The following RNF122 variants were observed in gnomAD, a reference collection of about 807,000 sequenced individuals.
RNF122 encodes the protein ring finger protein 122.
A neutral mutation model predicts 24.2 loss-of-function variants in RNF122; 17 were observed. The ratio of observed to expected loss-of-function variants is 0.70; its 90% CI spans 0.48 to 1.06. The LOEUF (loss-of-function observed/expected upper bound fraction) is 1.06. Among genes scored for constraint, RNF122 ranks in the 50% least tolerant of loss-of-function variants. RNF122 has a pLI of 0.00. For synonymous variants in RNF122, 65 were observed against 71.8 expected, an observed-to-expected ratio of 0.91 and a Z score of 0.48; for missense variants, 168 against 198.1, an observed-to-expected ratio of 0.85 and a Z score of 0.91.
Position 33,548,737 on chromosome 8 carries a change from G to A in RNF122, c.*16C>T, listed in dbSNP as rs1281407641. On this transcript the variant is annotated 3_prime_UTR_variant, in exon 6 of 6. Coordinates refer to ENST00000256257, the MANE Select transcript of RNF122 (RefSeq NM_024787.3). Reference sequence around the variant, plus strand: ...AGGCAAGAGGTCTTCTCCAGGTCTCGGTGTAGCGGCAGCACTCACACCAGC... The same window carrying A: ...AGGCAAGAGGTCTTCTCCAGGTCTCAGTGTAGCGGCAGCACTCACACCAGC... 6.5e-6 allele frequency: 10 copies of A among 1,534,198 alleles called. No homozygotes were observed. The highest frequency in any genetic ancestry group is 1.7e-4 in the Middle Eastern group (1 of 5,900).
rs1386383293 is a variant in RNF122, at chr8:33,566,996, T to TGTGGGGCGCC, written c.-283_-274dup. 1 of 475,758 alleles carries TGTGGGGCGCC rather than the reference T, an allele frequency of 2.1e-6. No homozygotes were observed. The highest frequency in any genetic ancestry group is 2.1e-5 in the African/African-American group (1 of 47,546). 29.5% of individuals were successfully genotyped at this position (475,758 alleles called of 1,614,324 possible). The stretch of plus-strand genomic sequence containing the variant: ...CGCCAAGGGCCCCGGGCTGGGGGAA[T>TGTGGGGCGCC]GTGGGGCGCCGCGGGGCGGGGGTGC... On this transcript the variant is annotated 5_prime_UTR_variant, in exon 1 of 6. Transcript: ENST00000256257.
chr8:33,548,650 G>T lies in RNF122; in HGVS notation c.*103C>A. The T allele has an allele frequency of 1.3e-6, 1 of 756,394 alleles. No individual in the cohort carries two copies. The highest frequency in any genetic ancestry group is 1.5e-5 in the South Asian group (1 of 65,350). 46.9% of individuals were successfully genotyped at this position (756,394 alleles called of 1,614,324 possible). ...GACCACCCTTCTCATCACTGGGAAA[G>T]TGATCGTCATCACCCTACAGTCCTG... On this transcript the variant is annotated 3_prime_UTR_variant, in exon 6 of 6. Coordinates refer to ENST00000256257, the MANE Select transcript of RNF122 (RefSeq NM_024787.3).
intron 1 of RNF122, among the ~76,000 whole-genome samples, chr8:33,560,323 C>T (rs570597009): frequency 1.1e-4 from 17 of 152,090 alleles, no homozygotes; most frequent in Non-Finnish European, 1.6e-4. Flanking sequence ...CAGGTGGGTA[C>T]GTAACCAGGT....
chr8:33,549,534 C>A, intron 4 of RNF122, 42 bp from the exon 5 acceptor site: 1 of 1,441,288 alleles, frequency 6.9e-7, no homozygotes, highest in South Asian at 1.1e-5. Context: ...ACTGGGGAAC[C>A]ATCTCACTCA....
At chr8:33,549,530 G>A in intron 4 of RNF122, 38 bp from the exon 5 acceptor site, 2 of 1,489,852 alleles carry the variant, frequency 1.3e-6, no homozygotes, top group East Asian at 2.3e-5. Context: ...AGGAACTGGG[G>A]AACCATCTCA....
chr8:33,559,958 C>T (rs886482358), intron 1 of RNF122, among the ~76,000 whole-genome samples: 1 of 151,754 alleles, frequency 6.6e-6, no homozygotes. Flanking sequence ...TCTCCTGCCT[C>T]AGCCTCCCGA....
intron 1 of RNF122, among the ~76,000 whole-genome samples, chr8:33,560,358 T>A (rs998419512): frequency 6.6e-6 from 1 of 152,080 alleles, no homozygotes; most frequent in Non-Finnish European, 1.5e-5. Flanking sequence ...CAAAGAGATC[T>A]GCTGGAAAAG....
intron 1 of RNF122, among the ~76,000 whole-genome samples, chr8:33,566,437 A>G (rs1397148142): frequency 6.6e-6 from 1 of 152,186 alleles, no homozygotes; most frequent in Non-Finnish European, 1.5e-5. Flanking sequence ...CGCCACACAA[A>G]GGCCGGGAAC....
intron 1 of RNF122, among the ~76,000 whole-genome samples, chr8:33,564,835 G>A (rs1810597404): frequency 6.6e-6 from 1 of 151,992 alleles, no homozygotes; most frequent in Non-Finnish European, 1.5e-5. Context: ...TCACACCATT[G>A]CACTCCAGCC....
chr8:33,553,466 G>T (rs566349901), intron 2 of RNF122, among the ~76,000 whole-genome samples: 1 of 152,068 alleles, frequency 6.6e-6, no homozygotes, highest in Non-Finnish European at 1.5e-5. Context: ...TACTTGGGGG[G>T]TCTGAGGCAG....
At chr8:33,565,137 C>T (rs1362609213) in intron 1 of RNF122, among the ~76,000 whole-genome samples, 2 of 152,160 alleles carry the variant, frequency 1.3e-5, no homozygotes, top group Admixed American at 6.5e-5. Context: ...TCCCAGCCAA[C>T]GGGAATCTTT....
chr8:33,553,450 C>A (rs774581974), intron 2 of RNF122, among the ~76,000 whole-genome samples: 24 of 152,034 alleles, frequency 1.6e-4, no homozygotes, highest in Non-Finnish European at 2.6e-4. Flanking sequence ...TGTCTGTAGT[C>A]CTGGCTACTT....
chr8:33,550,184 C>T (rs550557466), intron 4 of RNF122, among the ~76,000 whole-genome samples: 2 of 152,320 alleles, frequency 1.3e-5, no homozygotes, highest in East Asian at 1.9e-4. Context: ...CCACCCACCT[C>T]GGCCTCCCAA....
intron 1 of RNF122, among the ~76,000 whole-genome samples, chr8:33,565,539 T>C (rs1172696958): frequency 1.3e-5 from 2 of 152,100 alleles, no homozygotes. Flanking sequence ...GCGATTAGTA[T>C]CCAAGGTTTT....
At chr8:33,559,805 G>A (rs974633595) in intron 1 of RNF122, among the ~76,000 whole-genome samples, 1 of 150,784 alleles carries the variant, frequency 6.6e-6, no homozygotes, top group Admixed American at 6.6e-5. Context: ...ATACTCTCGG[G>A]TCCATCCCTG....
At chr8:33,563,221 A>G (rs1479689707) in intron 1 of RNF122, among the ~76,000 whole-genome samples, 1 of 152,168 alleles carries the variant, frequency 6.6e-6, no homozygotes, top group Non-Finnish European at 1.5e-5. Flanking sequence ...CTTGTTCTCA[A>G]TAACTAGTTA....
In RNF122 at chr8:33,558,671, G is replaced by A. The variant is rs3735950; in HGVS notation, c.126C>T (p.Phe42=). The part of the protein sequence containing the change: ...DLPLNIYMVI[F]GTGIFVFMLS... Reference sequence around the variant, plus strand: ...GCATGAAGACAAAGATGCCTGTGCCGAAGATGACCATATAGATGTTGAGCG... The same window carrying A: ...GCATGAAGACAAAGATGCCTGTGCCAAAGATGACCATATAGATGTTGAGCG... Residue 42 remains phenylalanine, a synonymous_variant, in exon 2 of 6, where the codon TTC becomes TTT. Transcript: ENST00000256257. The A allele has an allele frequency of 0.55, 876,180 of 1,606,126 alleles. 242,642 individuals carry two copies. The highest frequency in any genetic ancestry group is 0.61 in the African/African-American group (45,573 of 74,722).
In RNF122 at chr8:33,548,707, C is replaced by A. The variant is rs1810324953; in HGVS notation, c.*46G>T. Reference sequence around the variant, plus strand: ...GGAGCTGTGCAGAGGGACCAGACATCCATGAGGCAAGAGGTCTTCTCCAGG... The same window carrying A: ...GGAGCTGTGCAGAGGGACCAGACATACATGAGGCAAGAGGTCTTCTCCAGG... On this transcript the variant is annotated 3_prime_UTR_variant, in exon 6 of 6. Transcript: ENST00000256257. 8.3e-7 allele frequency: 1 copy of A among 1,201,454 alleles called. No individual in the cohort carries two copies. Among genetic ancestry groups the A allele is most frequent in the South Asian group, 1.2e-5 (1 of 82,744 alleles). 74.4% of individuals were successfully genotyped at this position (1,201,454 alleles called of 1,614,324 possible).
chr8:33,549,412 G>A lies in RNF122; in HGVS notation c.351C>T (p.Arg117=). 6.2e-7 allele frequency: 1 copy of A among 1,613,232 alleles called. No individual in the cohort carries two copies. The highest frequency in any genetic ancestry group is 8.5e-7 in the Non-Finnish European group (1 of 1,179,170). ...GVLPCQHAFH[R]KCLVKWLEVR... is the part of the protein sequence containing the mutation. ...ACCCTGGACACATTCCCACGTACTT[G>A]CGGTGAAAGGCGTGTTGGCACGGGA... Residue 117 remains arginine, a splice_region_variant and synonymous_variant, in exon 5 of 6, where the codon CGC becomes CGT. Transcript: ENST00000256257.
Sources: allele counts gnomAD v4.1 joint callset (sites outside exome capture counted in the v4.1 genomes callset), GRCh38; gene constraint gnomAD v4.1.1; transcripts MANE v1.5; gene names NCBI Gene and HGNC (gene_info 2026-07-23, HGNC 2026-07-21).